The following INPP4B variants were observed in gnomAD, a reference collection of about 807,000 sequenced individuals.
The protein encoded by INPP4B is inositol polyphosphate-4-phosphatase type II B, also known as inositol polyphosphate 4-phosphatase type II.
In INPP4B, 55 loss-of-function variants were observed where a neutral mutation model predicts 122.5. The observed-to-expected ratio is 0.45, with a 90% CI of 0.36 to 0.56. The LOEUF is 0.56. INPP4B is among the 20% of genes least tolerant of loss of function. The pLI, the probability that INPP4B is intolerant of heterozygous loss-of-function variation, is 0.00. For missense variants in INPP4B, 1,000 were observed against 1,097.7 expected (o/e 0.91, Z 1.26); for synonymous variants, 403 against 388.7 (o/e 1.04, Z -0.43).
chr4:142,301,090 C>T (rs1341393258), intron 9 of INPP4B, among the ~76,000 whole-genome samples: 1 of 152,132 alleles, frequency 6.6e-6, no homozygotes, highest in African/African-American at 2.4e-5. Context: ...GCTTTTAAAA[C>T]AGATTACAAC....
chr4:142,671,816 T>C (rs1757041306), intron 2 of INPP4B, among the ~76,000 whole-genome samples: 1 of 152,150 alleles, frequency 6.6e-6, no homozygotes, highest in Non-Finnish European at 1.5e-5. Context: ...TACTGTATAA[T>C]TTGACTAGCT....
At chr4:142,690,487 A>G (rs1162019943) in intron 2 of INPP4B, among the ~76,000 whole-genome samples, 1 of 152,158 alleles carries the variant, frequency 6.6e-6, no homozygotes, top group Non-Finnish European at 1.5e-5. Flanking sequence ...TTGATTCTGC[A>G]TCCACTCCCC....
At chr4:142,829,847 A>C (rs1781900762) in intron 1 of INPP4B, among the ~76,000 whole-genome samples, 1 of 152,236 alleles carries the variant, frequency 6.6e-6, no homozygotes, top group Non-Finnish European at 1.5e-5. Flanking sequence ...GAAAAAAACT[A>C]ACATGAGAAT....
intron 1 of INPP4B, among the ~76,000 whole-genome samples, chr4:142,831,664 T>G (rs11936486): frequency 6.6e-6 from 1 of 152,196 alleles, no homozygotes; most frequent in East Asian, 1.9e-4. Context: ...CAAAAAGCAT[T>G]TTTTCCTCTT....
intron 1 of INPP4B, among the ~76,000 whole-genome samples, chr4:142,803,803 G>GA (rs1254482816): frequency 6.6e-6 from 1 of 151,864 alleles, no homozygotes; most frequent in Non-Finnish European, 1.5e-5. Flanking sequence ...AAATCCTTGA[G>GA]AAAATCACTT....
At chr4:142,282,339 A>G (rs1363897131) in intron 9 of INPP4B, among the ~76,000 whole-genome samples, 1 of 152,142 alleles carries the variant, frequency 6.6e-6, no homozygotes, top group Admixed American at 6.6e-5. Flanking sequence ...AAAGCTAGAT[A>G]GGTGGGGAAG....
chr4:142,727,902 A>G (rs1765541136), intron 1 of INPP4B, among the ~76,000 whole-genome samples: 1 of 152,184 alleles, frequency 6.6e-6, no homozygotes, highest in Non-Finnish European at 1.5e-5. Flanking sequence ...ATCAGTCAGA[A>G]TAGCTGAACT....
intron 2 of INPP4B, among the ~76,000 whole-genome samples, chr4:142,588,392 T>C (rs1736689177): frequency 6.6e-6 from 1 of 151,736 alleles, no homozygotes; most frequent in Admixed American, 6.6e-5. Context: ...ACATGACTTA[T>C]ATGTAGAAAA....
At chr4:142,796,888 GTGTGTGTGTGTGTGTGTGTGTGTGTGTC>G in intron 1 of INPP4B, among the ~76,000 whole-genome samples, 2 of 149,046 alleles carry the variant, frequency 1.3e-5, no homozygotes, top group South Asian at 2.1e-4. Context: ...GTGTGTGTGT[GTGTGTGTGTGTGTGTGTGTGTGTGTGTC>G]TGTGTGTAAT....
intron 1 of INPP4B, among the ~76,000 whole-genome samples, chr4:142,758,083 G>A (rs184120685): frequency 4.6e-4 from 70 of 152,152 alleles, no homozygotes; most frequent in Non-Finnish European, 6.8e-4. Flanking sequence ...CTCATCAGTG[G>A]GACATTATTT....
chr4:142,567,111 T>A (rs1357426631), intron 2 of INPP4B, among the ~76,000 whole-genome samples: 2 of 152,204 alleles, frequency 1.3e-5, no homozygotes, highest in African/African-American at 2.4e-5. Flanking sequence ...ATAATTAATT[T>A]AATTTTCACT....
At chr4:142,054,093 G>A (rs1369872120) in intron 25 of INPP4B, among the ~76,000 whole-genome samples, 8 of 151,906 alleles carry the variant, frequency 5.3e-5, no homozygotes, top group African/African-American at 1.4e-4. Flanking sequence ...ACATTCACTC[G>A]GAAACTTCTG....
chr4:142,620,608 G>A (rs1744701473), intron 2 of INPP4B, among the ~76,000 whole-genome samples: 1 of 151,828 alleles, frequency 6.6e-6, no homozygotes, highest in South Asian at 2.1e-4. Context: ...CGCATGACAT[G>A]CAATTTATCT....
Position 142,657,791 on chromosome 4 carries a change from G to A in INPP4B, c.-191+68048C>T, listed in dbSNP as rs76869661. On this transcript the variant is annotated intron_variant, in intron 2 of 25. Coordinates refer to ENST00000262992, the MANE Select transcript of INPP4B (RefSeq NM_001101669.3). The stretch of plus-strand genomic sequence containing the variant: ...GAGTCATCATTTTGGAAAAATAAAT[G>A]ACATGGTAATCTGGAATTCTATTTC... Among the ~76,000 whole-genome samples the A allele has an allele frequency of 8.8e-3, 1,345 of 152,234 alleles. 24 individuals carry two copies. Among genetic ancestry groups the A allele is most frequent in the African/African-American group, 0.031 (1,275 of 41,518 alleles).
At chr4:142,485,128 A>C (rs918190820) in intron 2 of INPP4B, among the ~76,000 whole-genome samples, 2 of 152,070 alleles carry the variant, frequency 1.3e-5, no homozygotes, top group Non-Finnish European at 2.9e-5. Context: ...TAAATTTTTT[A>C]ACCTGACATT....
intron 1 of INPP4B, among the ~76,000 whole-genome samples, chr4:142,800,318 G>A (rs551193167): frequency 2.6e-5 from 4 of 152,126 alleles, no homozygotes; most frequent in South Asian, 4.1e-4. Context: ...TTGTTTTATG[G>A]CCAGCATATC....
intron 5 of INPP4B, among the ~76,000 whole-genome samples, chr4:142,424,247 G>C (rs1286434966): frequency 2.0e-5 from 3 of 151,258 alleles, no homozygotes; most frequent in African/African-American, 7.3e-5. Flanking sequence ...GCTGTTAACT[G>C]TTTTTTTAAT....
intron 2 of INPP4B, among the ~76,000 whole-genome samples, chr4:142,641,646 C>T (rs1750500817): frequency 6.6e-6 from 1 of 152,188 alleles, no homozygotes; most frequent in African/African-American, 2.4e-5. Flanking sequence ...GTATGTGCCA[C>T]ATTTTCTTAA....
At chr4:142,261,762 G>A (rs769143540) in intron 10 of INPP4B, among the ~76,000 whole-genome samples, 1 of 152,148 alleles carries the variant, frequency 6.6e-6, no homozygotes. Flanking sequence ...TGAGGAAGAA[G>A]ACAAAGAATT....
Sources: allele counts gnomAD v4.1 joint callset (sites outside exome capture counted in the v4.1 genomes callset), GRCh38; gene constraint gnomAD v4.1.1; transcripts MANE v1.5; gene names NCBI Gene and HGNC (gene_info 2026-07-23, HGNC 2026-07-21).